The following RSPO2 variants were observed in gnomAD, a reference collection of about 807,000 sequenced individuals.
RSPO2 encodes the protein R-spondin 2, also known as R-spondin-2.
RSPO2 carries 14 observed loss-of-function variants against 30.9 expected under a neutral mutation model. The ratio of observed to expected loss-of-function variants is 0.45; its 90% CI spans 0.30 to 0.71. The LOEUF is 0.71. Ranked by LOEUF, RSPO2 falls within the 30% of genes least tolerant of loss-of-function variation. The pLI is 0.08. For missense variants in RSPO2, 264 were observed against 301.9 expected (o/e 0.87, Z 0.93); for synonymous variants, 107 against 96.4 (o/e 1.11, Z -0.64).
At chr8:107,930,265 C>T (rs1057080618) in intron 5 of RSPO2, among the ~76,000 whole-genome samples, 1 of 152,112 alleles carries the variant, frequency 6.6e-6, no homozygotes, top group Non-Finnish European at 1.5e-5. Flanking sequence ...AGTAAAGAAG[C>T]TTACGAACCC....
rs116066978 is a variant in RSPO2, at chr8:108,037,227, C to A, written c.94+45318G>T. On this transcript the variant is annotated intron_variant, in intron 2 of 5. Coordinates refer to ENST00000276659, the MANE Select transcript of RSPO2 (RefSeq NM_178565.5). ...AAGTTCTTGAAGAACATTAAAAGTG[C>A]TATTCTAGTGAAAACACAGATAGGT... Among the ~76,000 whole-genome samples the A allele has an allele frequency of 3.6e-3, 547 of 152,306 alleles. 7 individuals carry two copies. The highest frequency in any genetic ancestry group is 0.012 in the African/African-American group (493 of 41,564).
At chr8:108,012,487 A>C (rs1013978753) in intron 2 of RSPO2, among the ~76,000 whole-genome samples, 2 of 152,158 alleles carry the variant, frequency 1.3e-5, no homozygotes, top group Non-Finnish European at 2.9e-5. Flanking sequence ...GCACCCAAAA[A>C]CCCTAAAATT....
intron 2 of RSPO2, among the ~76,000 whole-genome samples, chr8:108,070,276 C>CCT (rs1169933266): frequency 1.6e-5 from 2 of 125,342 alleles, no homozygotes; most frequent in African/African-American, 6.4e-5. Flanking sequence ...AAGACCCCAT[C>CCT]TCTTTTTTTT....
intron 2 of RSPO2, among the ~76,000 whole-genome samples, chr8:108,031,529 T>C (rs925021851): frequency 7.9e-5 from 12 of 152,174 alleles, no homozygotes; most frequent in Non-Finnish European, 1.5e-4. Flanking sequence ...AAAAGCTCTT[T>C]CAAGATAAGA....
intron 2 of RSPO2, among the ~76,000 whole-genome samples, chr8:108,003,348 G>A (rs141297315): frequency 0.014 from 1,763 of 123,048 alleles, 42 homozygotes; most frequent in African/African-American, 0.052. Context: ...AAGTAGAGAC[G>A]GGGTTTCTCC....
At chr8:107,918,269 C>A (rs966531519) in intron 5 of RSPO2, among the ~76,000 whole-genome samples, 1 of 152,036 alleles carries the variant, frequency 6.6e-6, no homozygotes, top group Non-Finnish European at 1.5e-5. Flanking sequence ...TTTTCTCTAC[C>A]TGATTCTTCC....
intron 5 of RSPO2, among the ~76,000 whole-genome samples, chr8:107,949,986 G>A (rs908394509): frequency 1.3e-5 from 2 of 152,188 alleles, no homozygotes; most frequent in Non-Finnish European, 2.9e-5. Context: ...TTGGAAGCAT[G>A]TATGTGACAT....
In RSPO2 at chr8:107,906,552, C is replaced by T. The variant is rs372187433; in HGVS notation, c.617-5362G>A. Reference sequence around the variant, plus strand: ...AAATGATAGTAAGCAGATTCTTTTGCAGAGTCATCACTTGTAATTAGATCT... The same window carrying T: ...AAATGATAGTAAGCAGATTCTTTTGTAGAGTCATCACTTGTAATTAGATCT... On this transcript the variant is annotated intron_variant, in intron 5 of 5. Transcript: ENST00000276659. Among the ~76,000 whole-genome samples, 3 of 151,982 alleles carry T rather than the reference C, an allele frequency of 2.0e-5. No homozygotes were observed. In the South Asian group the frequency reaches 6.2e-4, roughly 32 times the overall value.
intron 3 of RSPO2, among the ~76,000 whole-genome samples, chr8:107,987,690 G>T (rs981024083): frequency 2.0e-5 from 3 of 152,214 alleles, no homozygotes; most frequent in African/African-American, 7.2e-5. Context: ...GAGAGTTCTT[G>T]TTCCCCAAAT....
chr8:108,016,217 A>G (rs969306980), intron 2 of RSPO2, among the ~76,000 whole-genome samples: 1 of 152,240 alleles, frequency 6.6e-6, no homozygotes, highest in Non-Finnish European at 1.5e-5. Context: ...TATCCCAGGT[A>G]TCCTTTCTTG....
At chr8:107,999,621 G>A (rs1396883221) in intron 2 of RSPO2, among the ~76,000 whole-genome samples, 2 of 152,086 alleles carry the variant, frequency 1.3e-5, no homozygotes, top group Non-Finnish European at 2.9e-5. Context: ...TTTTAGTAGA[G>A]ACAAAATTTT....
intron 5 of RSPO2, among the ~76,000 whole-genome samples, chr8:107,954,057 C>CAT (rs1586574711): frequency 6.6e-6 from 1 of 152,164 alleles, no homozygotes; most frequent in African/African-American, 2.4e-5. Flanking sequence ...ATGATTGGCA[C>CAT]ATAGCAGTGC....
chr8:108,009,933 C>CA (rs11418953), intron 2 of RSPO2, among the ~76,000 whole-genome samples: 12,384 of 152,016 alleles, frequency 0.081, 789 homozygotes, highest in African/African-American at 0.18. Flanking sequence ...CTTGTAGTCC[C>CA]AGCTACTTGC....
chr8:108,069,578 T>C (rs538946893), intron 2 of RSPO2, among the ~76,000 whole-genome samples: 2 of 152,370 alleles, frequency 1.3e-5, no homozygotes, highest in East Asian at 1.9e-4. Context: ...AAATTCATCC[T>C]GTCATTCCTA....
chr8:107,966,524 T>C (rs1041950329), intron 3 of RSPO2, among the ~76,000 whole-genome samples: 1 of 152,142 alleles, frequency 6.6e-6, no homozygotes, highest in Non-Finnish European at 1.5e-5. Flanking sequence ...AGGAAAACCA[T>C]TGGTAGGCTC....
intron 3 of RSPO2, among the ~76,000 whole-genome samples, chr8:107,970,269 G>T (rs547174293): frequency 5.8e-4 from 88 of 152,054 alleles, no homozygotes; most frequent in African/African-American, 2.0e-3. Context: ...TATCATTTTC[G>T]TGTGTCACAA....
At chr8:108,037,223 A>G (rs778630956) in intron 2 of RSPO2, among the ~76,000 whole-genome samples, 1 of 152,252 alleles carries the variant, frequency 6.6e-6, no homozygotes, top group African/African-American at 2.4e-5. Context: ...GAACATTAAA[A>G]GTGCTATTCT....
intron 2 of RSPO2, among the ~76,000 whole-genome samples, chr8:108,063,742 C>G (rs1225182592): frequency 1.3e-5 from 2 of 151,944 alleles, no homozygotes; most frequent in East Asian, 3.9e-4. Flanking sequence ...GCCAAAAGAA[C>G]AAAGCTGGAG....
chr8:107,955,807 G>A (rs1045282913), intron 5 of RSPO2, among the ~76,000 whole-genome samples: 1 of 152,126 alleles, frequency 6.6e-6, no homozygotes, highest in African/African-American at 2.4e-5. Context: ...AGGAGCTTAA[G>A]GCTGCGTTTG....
Sources: allele counts gnomAD v4.1 joint callset (sites outside exome capture counted in the v4.1 genomes callset), GRCh38; gene constraint gnomAD v4.1.1; transcripts MANE v1.5; gene names NCBI Gene and HGNC (gene_info 2026-07-23, HGNC 2026-07-21).